The following CAPRIN2 variants were observed in gnomAD, a reference collection of about 807,000 sequenced individuals.
CAPRIN2 encodes caprin-2.
Under a neutral mutation model 130.4 loss-of-function variants are expected in CAPRIN2, and 66 were observed. The ratio of observed to expected loss-of-function variants is 0.51; its 90% CI spans 0.42 to 0.62. CAPRIN2 has a LOEUF of 0.62. CAPRIN2 is among the 20% of genes least tolerant of loss of function. CAPRIN2 has a pLI of 0.00. For missense variants in CAPRIN2, 1,185 were observed against 1,246.6 expected, an observed-to-expected ratio of 0.95 and a Z score of 0.74; for synonymous variants, 471 against 444.1, an observed-to-expected ratio of 1.06 and a Z score of -0.76.
chr12:30,711,478 A>G, intron 16 of CAPRIN2, 88 bp downstream of exon 18: 2 of 1,033,954 alleles, frequency 1.9e-6, no homozygotes, highest in Admixed American at 3.6e-5. Context: ...CTAAAAAGCA[A>G]TGTGCTTTGG....
At chr12:30,732,150 C>T (rs962201759) in intron 5 of CAPRIN2, among the ~76,000 whole-genome samples, 2 of 151,994 alleles carry the variant, frequency 1.3e-5, no homozygotes, top group African/African-American at 4.8e-5. Context: ...TCGAGTTATG[C>T]TGTTTGTCCT....
exon 12 of CAPRIN2, chr12:30,720,896 G>A (rs2059218850): frequency 9.3e-6 from 15 of 1,612,644 alleles, no homozygotes; most frequent in Non-Finnish European, 1.2e-5. Context: ...TGAGCTACAA[G>A]TAACTGGAGA....
chr12:30,751,155 C>G (rs1251175664), intron 1 of CAPRIN2, 22 bp from the exon 3 acceptor site: 2 of 1,591,276 alleles, frequency 1.3e-6, no homozygotes, highest in South Asian at 2.2e-5. Flanking sequence ...AAACTTGTAT[C>G]TACCATAGTC....
At chr12:30,754,142 G>C (rs1592384857) in exon 1 of CAPRIN2, 1 of 187,838 alleles carries the variant, frequency 5.3e-6, no homozygotes, top group Non-Finnish European at 1.1e-5. Context: ...TTCCCCGATT[G>C]CTCTGGGGCC....
intron 12 of CAPRIN2, among the ~76,000 whole-genome samples, chr12:30,718,778 A>C (rs982009417): frequency 6.6e-6 from 1 of 152,238 alleles, no homozygotes; most frequent in Non-Finnish European, 1.5e-5. Flanking sequence ...CTGTTGCTAG[A>C]AATTCTGTTT....
At chr12:30,715,440 C>T (rs749819903) in intron 13 of CAPRIN2, 8 of 486,764 alleles carry the variant, frequency 1.6e-5, no homozygotes, top group Non-Finnish European at 3.2e-5. Flanking sequence ...TTGTATACCA[C>T]TTATATGAGG....
intron 13 of CAPRIN2, 40 bp downstream of exon 15, chr12:30,716,468 T>A (rs1426858041): frequency 2.5e-6 from 4 of 1,573,132 alleles, no homozygotes; most frequent in Non-Finnish European, 3.5e-6. Context: ...CAATTGGCTG[T>A]CCCTCTAAGT....
intron 15 of CAPRIN2, 174 bp from the exon 18 acceptor site, chr12:30,711,803 G>T (rs1369014805): frequency 1.4e-6 from 1 of 698,044 alleles, no homozygotes; most frequent in Non-Finnish European, 2.6e-6. Context: ...CAAAGCAAGG[G>T]CAACAGTGGC....
chr12:30,749,969 CG>C (rs978451932), intron 2 of CAPRIN2, among the ~76,000 whole-genome samples: 1 of 152,134 alleles, frequency 6.6e-6, no homozygotes, highest in Non-Finnish European at 1.5e-5. Flanking sequence ...CCCCTCTCCC[CG>C]ATGTTTCTTA....
At chr12:30,736,057 C>T (rs537737886) in intron 3 of CAPRIN2, among the ~76,000 whole-genome samples, 13 of 151,566 alleles carry the variant, frequency 8.6e-5, no homozygotes, top group Non-Finnish European at 1.6e-4. Flanking sequence ...AGACAGATTG[C>T]TTGAGCCCGG....
chr12:30,721,123 T>C (rs560341042), intron 11 of CAPRIN2, among the ~76,000 whole-genome samples: 1 of 152,312 alleles, frequency 6.6e-6, no homozygotes, highest in East Asian at 1.9e-4. Flanking sequence ...AATTAAGCAG[T>C]GGCAAAGAAA....
chr12:30,745,861 C>G (rs1565694303), intron 2 of CAPRIN2, among the ~76,000 whole-genome samples: 1 of 151,970 alleles, frequency 6.6e-6, no homozygotes, highest in Non-Finnish European at 1.5e-5. Flanking sequence ...ACAACAGAAA[C>G]AAGCTGTATT....
At chr12:30,735,277 A>G (rs1163421816) in intron 3 of CAPRIN2, 71 bp from the exon 5 acceptor site, 2 of 1,121,442 alleles carry the variant, frequency 1.8e-6, no homozygotes, top group African/African-American at 3.1e-5. Flanking sequence ...GTATCTACAA[A>G]GTCTAAACCC....
intron 6 of CAPRIN2, 76 bp from the exon 8 acceptor site, chr12:30,730,358 T>C (rs2062238849): frequency 1.0e-6 from 1 of 999,282 alleles, no homozygotes; most frequent in Non-Finnish European, 1.6e-6. Flanking sequence ...TATAATTCAT[T>C]CTAGCAACAT....
intron 4 of CAPRIN2, among the ~76,000 whole-genome samples, chr12:30,734,112 A>T (rs979101757): frequency 1.3e-5 from 2 of 152,234 alleles, no homozygotes; most frequent in Non-Finnish European, 2.9e-5. Flanking sequence ...CTTATATTTC[A>T]TATATTAAAG....
Position 30,710,647 on chromosome 12 carries a change from T to A in CAPRIN2, c.2666-177A>T, listed in dbSNP as rs1387945277. ...ATTTTTCTGGTAATAGGTTTTTACA[T>A]ACTCTTCTAAAGCCAGAAAGGTCCA... On this transcript the variant is annotated intron_variant, in intron 16 of 16. Transcript: ENST00000298892. The surrounding 1 kb of genome is among the most constrained non-coding windows in gnomAD (Gnocchi z 4.8). The A allele has an allele frequency of 3.2e-6, 3 of 939,166 alleles. No individual in the cohort carries two copies. The highest frequency in any genetic ancestry group is 1.7e-5 in the African/African-American group (1 of 60,098). The allele number at this position is 939,166 out of a possible 1,614,324, so 58.2% of individuals were successfully genotyped here.
At chr12:30,733,956 A>G (rs2063580208) in intron 4 of CAPRIN2, among the ~76,000 whole-genome samples, 1 of 152,248 alleles carries the variant, frequency 6.6e-6, no homozygotes, top group Non-Finnish European at 1.5e-5. Flanking sequence ...TAAACCCATT[A>G]AAGAATAGAC....
At chr12:30,737,889 G>A (rs971226884) in intron 3 of CAPRIN2, among the ~76,000 whole-genome samples, 2 of 152,044 alleles carry the variant, frequency 1.3e-5, no homozygotes, top group East Asian at 1.9e-4. Flanking sequence ...GAGCCACCGC[G>A]CCTGGCCGAT....
In CAPRIN2 at chr12:30,751,231, A is replaced by G; in HGVS notation, c.421-98T>C. On this transcript the variant is annotated intron_variant, in intron 1 of 16. Transcript: ENST00000298892. ...TTGTCTCTAGGAAACAAAGTCCTTG[A>G]AGTAAGCTATCAATCTGCAAGACTA... is the stretch of plus-strand genomic sequence containing the variant. The G allele has an allele frequency of 6.4e-6, 6 of 930,330 alleles. No homozygotes were observed. The South Asian group carries it at 6.6e-5, about 10-fold the overall frequency. 57.6% of individuals were successfully genotyped at this position (930,330 alleles called of 1,614,324 possible). A position where few individuals can be genotyped will look rare whatever the true frequency, so the allele number is the denominator to read the frequency against.
Sources: allele counts gnomAD v4.1 joint callset (sites outside exome capture counted in the v4.1 genomes callset), GRCh38; gene constraint gnomAD v4.1.1; non-coding constraint Gnocchi (gnomAD v3.1); transcripts MANE v1.5; gene names NCBI Gene and HGNC (gene_info 2026-07-23, HGNC 2026-07-21).